Variants in COPS7B observed in about 807,000 individuals in gnomAD.
The protein encoded by COPS7B is COP9 signalosome complex subunit 7b.
A neutral mutation model predicts 33.4 loss-of-function variants in COPS7B; 9 were observed. The ratio of observed to expected loss-of-function variants is 0.27; its 90% CI spans 0.16 to 0.47. COPS7B has a LOEUF of 0.47. COPS7B is among the 20% of genes least tolerant of loss of function. COPS7B has a pLI of 0.99. For synonymous variants in COPS7B, 119 were observed against 126.3 expected (o/e 0.94, Z 0.39); for missense variants, 242 against 318.2 (o/e 0.76, Z 1.82).
chr2:231,786,591 C>G lies in COPS7B; in HGVS notation c.-17+53C>G, dbSNP rs972146945. 1.6e-5 allele frequency: 14 copies of G among 888,908 alleles called. No individual in the cohort carries two copies. In the South Asian group the frequency reaches 4.1e-4, roughly 26 times the overall value. The allele number at this position is 888,908 out of a possible 1,614,324, so 55.1% of individuals were successfully genotyped here. On this transcript the variant is annotated intron_variant, in intron 1 of 6. Transcript: ENST00000350033. ...GCGGGGCCGGCGCTCCAGGCTCGGC[C>G]AGACGATCCGGCTTAGAGCCCGCCG...
At chr2:231,792,983 C>G (rs757245457) in intron 3 of COPS7B, among the ~76,000 whole-genome samples, 9 of 152,132 alleles carry the variant, frequency 5.9e-5, no homozygotes, top group Non-Finnish European at 1.0e-4. Context: ...TCCCTTTGTT[C>G]CAGGGAATGT....
chr2:231,794,855 G>A (rs987706006), intron 4 of COPS7B, among the ~76,000 whole-genome samples: 1 of 151,810 alleles, frequency 6.6e-6, no homozygotes, highest in Non-Finnish European at 1.5e-5. Flanking sequence ...TCCCAGATTC[G>A]AGCGATTCCC....
intron 6 of COPS7B, among the ~76,000 whole-genome samples, chr2:231,800,869 A>G (rs1350412342): frequency 6.6e-6 from 1 of 152,236 alleles, no homozygotes; most frequent in East Asian, 1.9e-4. Context: ...TTCCCTGAGC[A>G]TGGCCAAAGC....
At chr2:231,803,740 C>T (rs534149151) in intron 6 of COPS7B, among the ~76,000 whole-genome samples, 2 of 152,314 alleles carry the variant, frequency 1.3e-5, no homozygotes, top group East Asian at 3.9e-4. Flanking sequence ...GTCAGCCCTT[C>T]TGTGACTGCA....
chr2:231,802,032 C>T (rs1475018320), intron 6 of COPS7B, among the ~76,000 whole-genome samples: 2 of 152,174 alleles, frequency 1.3e-5, no homozygotes, highest in Non-Finnish European at 2.9e-5. Flanking sequence ...GCCTCGGTCT[C>T]CCAAAGTGCT....
rs566446494 is a variant in COPS7B at position 231,809,221 on chromosome 2, T to A, written c.*1576T>A. 1 of 152,648 alleles carries A rather than the reference T, an allele frequency of 6.6e-6. No homozygotes were observed. Among genetic ancestry groups the A allele is most frequent in the East Asian group, 1.9e-4 (1 of 5,186 alleles). The allele number at this position is 152,648 out of a possible 1,614,324, so 9.5% of individuals were successfully genotyped here. ...GCTGCTCTGTGGAAAAGGGGTTCTG[T>A]TATGAAATAAATGTTGCACTCCCTG... is the stretch of plus-strand genomic sequence containing the variant. On this transcript the variant is annotated 3_prime_UTR_variant, in exon 7 of 7. Transcript: ENST00000350033.
At chr2:231,792,165 T>C (rs2049436878) in intron 3 of COPS7B, 7 of 465,936 alleles carry the variant, frequency 1.5e-5, no homozygotes, top group South Asian at 9.6e-5. Context: ...AATACCAGCA[T>C]ATTGAAGAAA....
At chr2:231,789,035 G>A (rs2049333368) in intron 2 of COPS7B, 1 of 260,630 alleles carries the variant, frequency 3.8e-6, no homozygotes, top group Non-Finnish European at 7.4e-6. Flanking sequence ...TTTAATAGGA[G>A]TAGATTCATG....
chr2:231,805,686 A>G (rs1490684849), intron 6 of COPS7B, among the ~76,000 whole-genome samples: 2 of 151,660 alleles, frequency 1.3e-5, no homozygotes, highest in Non-Finnish European at 2.9e-5. Context: ...AATGTCATCT[A>G]GGCTGGAGTG....
Position 231,808,436 on chromosome 2 carries a change from T to C in COPS7B, c.*791T>C. 1 of 471,660 alleles carries C rather than the reference T, an allele frequency of 2.1e-6. No individual in the cohort carries two copies. The highest frequency in any genetic ancestry group is 4.4e-6 in the Non-Finnish European group (1 of 227,160). The allele number at this position is 471,660 out of a possible 1,614,324, so 29.2% of individuals were successfully genotyped here. On this transcript the variant is annotated 3_prime_UTR_variant, in exon 7 of 7. Transcript: ENST00000350033. ...CGGTGTGTAGGCCCCAGCTGCCCAC[T>C]GGAACTGCCGGCTAATGCTTGCTCT...
intron 2 of COPS7B, chr2:231,789,122 G>A: frequency 5.6e-6 from 1 of 180,076 alleles, no homozygotes; most frequent in Non-Finnish European, 1.2e-5. Context: ...GAAACATACT[G>A]CTATTGAACA....
At chr2:231,786,402 G>C, upstream of COPS7B, 1 of 977,848 alleles carries the variant, frequency 1.0e-6, no homozygotes, top group Non-Finnish European at 1.2e-6. Context: ...AGGCTTCCGG[G>C]GGAGCTGCAC....
At chr2:231,781,723 C>T, upstream of COPS7B, 3 of 925,422 alleles carry the variant, frequency 3.2e-6, no homozygotes, top group South Asian at 2.9e-5. Context: ...CAGTGTGCCG[C>T]GCAGTGTGCG....
chr2:231,799,403 A>T (rs1310835702), intron 6 of COPS7B, among the ~76,000 whole-genome samples: 2 of 152,228 alleles, frequency 1.3e-5, no homozygotes, highest in Non-Finnish European at 2.9e-5. Context: ...TGGTGGGCAC[A>T]TAGTTTCATT....
At position 231,807,967 on chromosome 2, in the gene COPS7B, C is replaced by T. The variant is rs773703343; in HGVS notation, c.*322C>T. On this transcript the variant is annotated 3_prime_UTR_variant, in exon 7 of 7. Coordinates refer to ENST00000350033, the MANE Select transcript of COPS7B (RefSeq NM_022730.4). ...CCCTCCCAGTTTTTCTTTTGCTCCA[C>T]GTCATTTTGTCAGGCTGGTTATAAG... The T allele has an allele frequency of 8.6e-6, 2 of 231,872 alleles. No individual in the cohort carries two copies. Among genetic ancestry groups the T allele is most frequent in the African/African-American group, 2.3e-5 (1 of 43,688 alleles). 14.4% of individuals were successfully genotyped at this position (231,872 alleles called of 1,614,324 possible). A position where few individuals can be genotyped will look rare whatever the true frequency, so the allele number is the denominator to read the frequency against.
At chr2:231,786,249 G>T, upstream of COPS7B, 1 of 167,248 alleles carries the variant, frequency 6.0e-6, no homozygotes, top group Non-Finnish European at 1.2e-5. Flanking sequence ...CTCTCCTTGG[G>T]CCCCTAGCCA....
intron 6 of COPS7B, among the ~76,000 whole-genome samples, chr2:231,804,643 GGTTTT>G (rs888663278): frequency 7.2e-5 from 11 of 151,976 alleles, no homozygotes; most frequent in African/African-American, 2.7e-4. Flanking sequence ...AATTTTTTTT[GGTTTT>G]GTTTTTTTAA....
At chr2:231,786,981 C>A (rs2049266678) in intron 1 of COPS7B, among the ~76,000 whole-genome samples, 1 of 152,156 alleles carries the variant, frequency 6.6e-6, no homozygotes, top group African/African-American at 2.4e-5. Context: ...AAGTTTCTCT[C>A]CATTTCCCTA....
upstream of COPS7B, chr2:231,786,421 G>C: frequency 1.0e-6 from 1 of 985,518 alleles, no homozygotes; most frequent in Non-Finnish European, 1.2e-6. Context: ...ACGGGCGACG[G>C]GTCGGCGGAG....
Sources: allele counts gnomAD v4.1 joint callset (sites outside exome capture counted in the v4.1 genomes callset), GRCh38; gene constraint gnomAD v4.1.1; transcripts MANE v1.5; gene names NCBI Gene and HGNC (gene_info 2026-07-23, HGNC 2026-07-21).